SLC12A1: variants seen among roughly 807,000 people sequenced by gnomAD.
The protein encoded by SLC12A1 is Na-K-2Cl cotransporter.
Under a neutral mutation model 130.4 loss-of-function variants are expected in SLC12A1, and 89 were observed. That is an observed-to-expected ratio of 0.68 (90% CI 0.58 to 0.81). The LOEUF (loss-of-function observed/expected upper bound fraction) is 0.81. SLC12A1 is among the 40% of genes least tolerant of loss of function. The pLI is 0.00. For synonymous variants in SLC12A1, 499 were observed against 460.0 expected, an observed-to-expected ratio of 1.08 and a Z score of -1.09; for missense variants, 1,310 against 1,336.4, an observed-to-expected ratio of 0.98 and a Z score of 0.31.
At chr15:48,212,611 C>A (rs912961620) in intron 2 of SLC12A1, among the ~76,000 whole-genome samples, 1 of 152,148 alleles carries the variant, frequency 6.6e-6, no homozygotes, top group Non-Finnish European at 1.5e-5. Context: ...TACTACAGGA[C>A]TAACCAAAAT....
At chr15:48,251,567 A>G (rs749229691) in intron 14 of SLC12A1, 48 bp from the exon 15 acceptor site, 4 of 1,467,638 alleles carry the variant, frequency 2.7e-6, no homozygotes, top group South Asian at 1.1e-5. Context: ...ATTCAGTGCC[A>G]TGATCATAGT....
intron 21 of SLC12A1, among the ~76,000 whole-genome samples, chr15:48,287,042 AC>A (rs1165819737): frequency 1.3e-5 from 2 of 152,224 alleles, no homozygotes; most frequent in Non-Finnish European, 2.9e-5. Context: ...CATCTTCAGA[AC>A]CTCTTAGATC....
intron 2 of SLC12A1, among the ~76,000 whole-genome samples, chr15:48,209,600 T>C (rs1430605432): frequency 6.6e-6 from 1 of 152,202 alleles, no homozygotes; most frequent in East Asian, 1.9e-4. Flanking sequence ...CATTCATCCA[T>C]TCGTTCCTTC....
intron 20 of SLC12A1, among the ~76,000 whole-genome samples, chr15:48,278,778 T>C (rs1284958802): frequency 1.1e-4 from 16 of 152,256 alleles, no homozygotes; most frequent in Admixed American, 1.0e-3. Flanking sequence ...TTGTGTGTTA[T>C]GTTGATCTCT....
intron 9 of SLC12A1, chr15:48,237,108 A>C (rs192376775): frequency 9.4e-4 from 643 of 685,912 alleles, no homozygotes; most frequent in Non-Finnish European, 1.6e-3. Context: ...GGAAAGAGGA[A>C]GCAGAAATTG....
chr15:48,247,476 T>C lies in SLC12A1; in HGVS notation c.1684+16T>C. On this transcript the variant is annotated intron_variant, in intron 13 of 26. Coordinates refer to ENST00000380993, the MANE Select transcript of SLC12A1 (RefSeq NM_000338.3). ...ATTCTTATTGGTTTGTAAAGTTTTC[T>C]TGTTTTTATTGAAAACCAAAGAATT... The C allele has an allele frequency of 6.4e-7, 1 of 1,569,586 alleles. No individual in the cohort carries two copies. The highest frequency in any genetic ancestry group is 8.7e-7 in the Non-Finnish European group (1 of 1,152,222).
intron 4 of SLC12A1, chr15:48,221,500 G>T: frequency 1.6e-6 from 1 of 639,952 alleles, no homozygotes; most frequent in Non-Finnish European, 2.8e-6. Flanking sequence ...GAAAACAAAG[G>T]TTAATCAAAT....
chr15:48,220,681 T>C lies in SLC12A1; in HGVS notation c.468T>C (p.Asp156=). The C allele has an allele frequency of 6.2e-7, 1 of 1,613,752 alleles. No individual in the cohort carries two copies. The highest frequency in any genetic ancestry group is 1.1e-5 in the South Asian group (1 of 91,040). ...PSSADRVANG[D]GIPGDEQAEN... ...CAGCTGACAGAGTTGCTAACGGTGATGGGATACCTGGAGATGAACAAGCTG... is the reference window on the plus strand; with the variant it reads ...CAGCTGACAGAGTTGCTAACGGTGACGGGATACCTGGAGATGAACAAGCTG... The change falls in exon 3 of 27, where the codon GAT becomes GAC. Residue 156 remains aspartate (D), a synonymous_variant. Coordinates refer to ENST00000380993, the MANE Select transcript of SLC12A1 (RefSeq NM_000338.3).
intron 5 of SLC12A1, 87 bp downstream of exon 5, chr15:48,226,658 A>C: frequency 1.2e-6 from 1 of 802,840 alleles, no homozygotes; most frequent in Non-Finnish European, 2.1e-6. Context: ...GGGAACAAGG[A>C]AGTAGCCCGA....
Position 48,269,657 on chromosome 15 carries a change from G to T in SLC12A1, c.2296-1G>T. On this transcript the variant is annotated splice_acceptor_variant, in intron 18 of 26. Coordinates refer to ENST00000380993, the MANE Select transcript of SLC12A1 (RefSeq NM_000338.3). LOFTEE classifies it high-confidence loss of function. ...CCCACATTTTTATGTCCTCTGTTTA[G>T]GCCTCAGGCTTAGGAAGAATGAAAC... 1 of 1,584,436 alleles carries T rather than the reference G, an allele frequency of 6.3e-7. No individual in the cohort carries two copies. The highest frequency in any genetic ancestry group is 8.7e-7 in the Non-Finnish European group (1 of 1,154,116).
At position 48,255,916 on chromosome 15, in the gene SLC12A1, G is replaced by T. The variant is rs772732559; in HGVS notation, c.2042+6G>T. On this transcript the variant is annotated splice_donor_region_variant and intron_variant, in intron 16 of 26. Transcript: ENST00000380993. Reference sequence around the variant, plus strand: ...GACCACGTAAAAAACTTCAGGTAAAGCTGGTGTCTCAGGCATCCTGGTGTT... The same window carrying T: ...GACCACGTAAAAAACTTCAGGTAAATCTGGTGTCTCAGGCATCCTGGTGTT... 3.8e-6 allele frequency: 6 copies of T among 1,562,692 alleles called. No individual in the cohort carries two copies. The highest frequency in any genetic ancestry group is 4.4e-6 in the Non-Finnish European group (5 of 1,145,578).
At chr15:48,227,085 G>T (rs1478637326) in intron 5 of SLC12A1, 13 of 1,551,626 alleles carry the variant, frequency 8.4e-6, no homozygotes, top group Non-Finnish European at 1.1e-5. Flanking sequence ...GCAGGTCTTG[G>T]AGTCATCATC....
chr15:48,255,808 C>T lies in SLC12A1; in HGVS notation c.1943-3C>T. ...TTATGCCAATTTCCTCCTTTATCCA[C>T]AGATGTGAACTGGGGCTCCTCCACA... On this transcript the variant is annotated splice_region_variant and splice_polypyrimidine_tract_variant and intron_variant, in intron 15 of 26. Coordinates refer to ENST00000380993, the MANE Select transcript of SLC12A1 (RefSeq NM_000338.3). 6.3e-7 allele frequency: 1 copy of T among 1,589,272 alleles called. No homozygotes were observed. Among genetic ancestry groups the T allele is most frequent in the Non-Finnish European group, 8.6e-7 (1 of 1,162,886 alleles).
At chr15:48,214,723 A>T (rs2041098424) in intron 2 of SLC12A1, among the ~76,000 whole-genome samples, 1 of 152,132 alleles carries the variant, frequency 6.6e-6, no homozygotes, top group African/African-American at 2.4e-5. Context: ...TCTGGTTCTT[A>T]CTGGGATTGG....
At chr15:48,285,275 A>C in intron 21 of SLC12A1, 26 bp downstream of exon 21, 1 of 1,611,592 alleles carries the variant, frequency 6.2e-7, no homozygotes, top group East Asian at 2.2e-5. Context: ...AATTTGCAAA[A>C]AAGTTTACAA....
chr15:48,214,022 C>T (rs1187184946), intron 2 of SLC12A1, among the ~76,000 whole-genome samples: 2 of 152,076 alleles, frequency 1.3e-5, no homozygotes, highest in Admixed American at 1.3e-4. Context: ...TTCAAATTTG[C>T]AACTTTAGCA....
intron 5 of SLC12A1, chr15:48,227,360 A>C: frequency 6.6e-6 from 4 of 602,550 alleles, no homozygotes; most frequent in South Asian, 4.0e-5. Context: ...CATTGACATG[A>C]CCCATTTCTT....
At chr15:48,226,627 T>C in intron 5 of SLC12A1, 56 bp downstream of exon 5, 2 of 995,138 alleles carry the variant, frequency 2.0e-6, no homozygotes, top group Non-Finnish European at 3.2e-6. Context: ...AGGCGAACAA[T>C]TTTTTATACT....
intron 26 of SLC12A1, among the ~76,000 whole-genome samples, chr15:48,301,772 T>C (rs1441044979): frequency 2.0e-5 from 3 of 152,052 alleles, no homozygotes; most frequent in Non-Finnish European, 4.4e-5. Flanking sequence ...CCATGGCAGG[T>C]TCATGAGGCT....
Sources: allele counts gnomAD v4.1 joint callset (sites outside exome capture counted in the v4.1 genomes callset), GRCh38; gene constraint gnomAD v4.1.1; transcripts MANE v1.5; gene names NCBI Gene and HGNC (gene_info 2026-07-23, HGNC 2026-07-21).